LRRC4C: variants seen among roughly 807,000 people sequenced by gnomAD.
The protein encoded by LRRC4C is leucine rich repeat containing 4C.
Under a neutral mutation model 33.6 loss-of-function variants are expected in LRRC4C, and 5 were observed. That is an observed-to-expected ratio of 0.15 (90% CI 0.08 to 0.31). LRRC4C has a LOEUF of 0.31. Ranked by LOEUF, LRRC4C falls within the 10% of genes least tolerant of loss-of-function variation. LRRC4C has a pLI of 1.00. For synonymous variants in LRRC4C, 329 were observed against 302.0 expected (o/e 1.09, Z -0.93); for missense variants, 560 against 796.7 (o/e 0.70, Z 3.58).
At chr11:41,262,027 G>A (rs1434517579) in intron 1 of LRRC4C, among the ~76,000 whole-genome samples, 1 of 151,724 alleles carries the variant, frequency 6.6e-6, no homozygotes, top group Non-Finnish European at 1.5e-5. Flanking sequence ...ATAAAATCCT[G>A]GAATAGAAGC....
At chr11:40,837,033 C>T (rs185359782) in intron 2 of LRRC4C, among the ~76,000 whole-genome samples, 228 of 152,110 alleles carry the variant, frequency 1.5e-3, no homozygotes, top group Non-Finnish European at 2.7e-3. Context: ...TCTTAAAGAA[C>T]GGTGTTAAAA....
intron 5 of LRRC4C, among the ~76,000 whole-genome samples, chr11:40,238,945 G>T (rs1452473): frequency 0.86 from 131,391 of 152,122 alleles, 57,552 homozygotes; most frequent in South Asian, 0.97. Flanking sequence ...ATCCATTATC[G>T]GTAACAGTCC....
At chr11:40,992,433 G>GT (rs1465283481) in intron 1 of LRRC4C, among the ~76,000 whole-genome samples, 8 of 124,424 alleles carry the variant, frequency 6.4e-5, no homozygotes, top group Middle Eastern at 4.1e-3. Flanking sequence ...AAACAAAAGT[G>GT]GTTTTTTTTT....
At chr11:40,437,019 G>A (rs1428944479) in intron 3 of LRRC4C, among the ~76,000 whole-genome samples, 2 of 152,208 alleles carry the variant, frequency 1.3e-5, no homozygotes, top group African/African-American at 2.4e-5. Context: ...GGGATGAGCA[G>A]CTGCTAGGGA....
chr11:40,388,586 T>C (rs12283408), intron 3 of LRRC4C, among the ~76,000 whole-genome samples: 1,828 of 152,272 alleles, frequency 0.012, 41 homozygotes, highest in African/African-American at 0.042. Flanking sequence ...AATTTTATGG[T>C]TGAGTGACAC....
chr11:40,750,808 GA>G (rs57426456), intron 2 of LRRC4C, among the ~76,000 whole-genome samples: 69,736 of 136,052 alleles, frequency 0.51, 16,677 homozygotes, highest in African/African-American at 0.56. Context: ...ATAATAAAAA[GA>G]AAAAAAAAAA....
chr11:40,586,160 G>T (rs1958729489), intron 3 of LRRC4C, among the ~76,000 whole-genome samples: 1 of 150,656 alleles, frequency 6.6e-6, no homozygotes, highest in African/African-American at 2.5e-5. Context: ...TTTAATTATT[G>T]CCATTCTAAC....
intron 1 of LRRC4C, among the ~76,000 whole-genome samples, chr11:41,365,043 C>T (rs931864629): frequency 3.3e-5 from 5 of 151,978 alleles, no homozygotes; most frequent in African/African-American, 7.3e-5. Context: ...GAATCATGGA[C>T]GAGTACCAGT....
At chr11:41,417,740 C>G (rs1954735864) in intron 1 of LRRC4C, among the ~76,000 whole-genome samples, 1 of 151,880 alleles carries the variant, frequency 6.6e-6, no homozygotes, top group Non-Finnish European at 1.5e-5. Context: ...CAAATAACAA[C>G]TATACTAGGC....
chr11:40,937,299 T>A (rs931023473), intron 1 of LRRC4C, among the ~76,000 whole-genome samples: 3 of 135,368 alleles, frequency 2.2e-5, no homozygotes, highest in Non-Finnish European at 4.6e-5. Flanking sequence ...GAACAACAGA[T>A]GCTGCCGACT....
At chr11:40,520,124 C>A (rs988465610) in intron 3 of LRRC4C, among the ~76,000 whole-genome samples, 1 of 152,194 alleles carries the variant, frequency 6.6e-6, no homozygotes, top group Non-Finnish European at 1.5e-5. Flanking sequence ...TATGCTAAAT[C>A]TACTCTTCCC....
At chr11:40,441,264 C>G (rs566893755) in intron 3 of LRRC4C, among the ~76,000 whole-genome samples, 1 of 152,174 alleles carries the variant, frequency 6.6e-6, no homozygotes, top group Non-Finnish European at 1.5e-5. Context: ...CTCAACTGCT[C>G]TCTTTGAGTT....
intron 1 of LRRC4C, among the ~76,000 whole-genome samples, chr11:41,254,585 G>A (rs1158660905): frequency 6.6e-6 from 1 of 151,898 alleles, no homozygotes; most frequent in Non-Finnish European, 1.5e-5. Flanking sequence ...TACCCAAGGG[G>A]CCATAATATT....
intron 3 of LRRC4C, among the ~76,000 whole-genome samples, chr11:40,348,181 A>T (rs1421446772): frequency 6.7e-6 from 1 of 148,808 alleles, no homozygotes; most frequent in East Asian, 2.0e-4. Flanking sequence ...AGAATTATGA[A>T]AATGTGACAC....
intron 1 of LRRC4C, among the ~76,000 whole-genome samples, chr11:41,250,575 G>GCCTATCTCA (rs1948607118): frequency 6.6e-6 from 1 of 152,118 alleles, no homozygotes; most frequent in Non-Finnish European, 1.5e-5. Flanking sequence ...AGGGGGACAG[G>GCCTATCTCA]GAGCCAAAAA....
intron 2 of LRRC4C, among the ~76,000 whole-genome samples, chr11:40,910,323 A>T (rs1956611644): frequency 1.3e-5 from 2 of 152,206 alleles, no homozygotes; most frequent in South Asian, 4.1e-4. Context: ...AAAAAAGGAA[A>T]GGATTAGGAA....
intron 1 of LRRC4C, among the ~76,000 whole-genome samples, chr11:41,243,247 T>C (rs886080711): frequency 6.6e-6 from 1 of 152,198 alleles, no homozygotes; most frequent in Non-Finnish European, 1.5e-5. Context: ...CAAAAACATC[T>C]CTCTTAACAA....
At position 40,987,665 on chromosome 11, in the gene LRRC4C, A is replaced by T. The variant is rs1386112039; in HGVS notation, c.-495-53942T>A. Among the ~76,000 whole-genome samples the T allele has an allele frequency of 1.1e-4, 2 of 18,056 alleles. 1 individual carries two copies. Among genetic ancestry groups the T allele is most frequent in the African/African-American group, 3.8e-4 (2 of 5,318 alleles). 11.8% of individuals were successfully genotyped at this position (18,056 alleles called of 152,430 possible). On this transcript the variant is annotated intron_variant, in intron 1 of 6. Coordinates refer to ENST00000528697, the MANE Select transcript of LRRC4C (RefSeq NM_001258419.2). ...TATATATATATATCTCATATATATG[A>T]GATATAAATGATATATATATATATA... is the stretch of plus-strand genomic sequence containing the variant.
rs1201379965 is a variant in LRRC4C, at chr11:41,043,295, C to T, written c.-495-109572G>A. 2.6e-5 allele frequency among the ~76,000 whole-genome samples: 4 copies of T among 152,140 alleles called. No homozygotes were observed. In the East Asian group the frequency reaches 7.8e-4, roughly 30 times the overall value. ...TGCACTTTATGGCTGCAGACCACAA[C>T]ACCATCAACACGCTTAGAAAGAATA... On this transcript the variant is annotated intron_variant, in intron 1 of 6. Transcript: ENST00000528697.
Sources: gnomAD v4.1 joint callset for allele counts (sites outside exome capture counted in the v4.1 genomes callset) on GRCh38, gnomAD v4.1.1 for gene constraint, MANE v1.5 for transcripts, NCBI Gene and HGNC (gene_info 2026-07-23, HGNC 2026-07-21) for gene names.